DPPA3: variants seen among roughly 807,000 people sequenced by gnomAD.
DPPA3 encodes the protein developmental pluripotency-associated protein 3.
Under a neutral mutation model 15.6 loss-of-function variants are expected in DPPA3, and 9 were observed. The observed-to-expected ratio is 0.58, with a 90% CI of 0.35 to 1.01. DPPA3 has a LOEUF of 1.01. DPPA3 is among the 50% of genes least tolerant of loss of function. DPPA3 has a pLI of 0.02. For synonymous variants in DPPA3, 61 were observed against 70.9 expected, an observed-to-expected ratio of 0.86 and a Z score of 0.70; for missense variants, 148 against 194.6, an observed-to-expected ratio of 0.76 and a Z score of 1.42.
chr12:7,716,802 G>T (rs963565291), intron 3 of DPPA3, among the ~76,000 whole-genome samples, 165 bp from the exon 4 acceptor site: 1 of 152,032 alleles, frequency 6.6e-6, no homozygotes, highest in Non-Finnish European at 1.5e-5. Flanking sequence ...CCCATATTTT[G>T]ATCTTTTTTT....
Position 7,715,296 on chromosome 12 carries a change from G to A in DPPA3, c.196G>A (p.Val66Ile). ...GGAAGCTTTACTCCGTCGAGAGTCT[G>A]TAGGAGCAGCAGTCCTCAGGGAAAT... is the stretch of plus-strand genomic sequence containing the variant. ...LSEALLRRES[V>I]GAAVLREIED... Residue 66 changes from valine to isoleucine, a missense_variant, in exon 2 of 4, where the codon GTA becomes ATA. By Grantham distance (29) the Val-to-Ile change is conservative. Transcript: ENST00000345088. 1.2e-6 allele frequency: 2 copies of A among 1,612,146 alleles called. No individual in the cohort carries two copies. Among genetic ancestry groups the A allele is most frequent in the African/African-American group, 1.4e-5 (1 of 73,294 alleles).
rs116330721 is a variant in DPPA3 at position 7,716,084 on chromosome 12, C to G, written c.328-114C>G. 4.4e-4 allele frequency: 404 copies of G among 925,526 alleles called. 2 individuals carry two copies. The African/African-American group carries it at 5.3e-3, about 12-fold the overall frequency. 57.3% of individuals were successfully genotyped at this position (925,526 alleles called of 1,614,324 possible). ...CTCCACTGCAATCCAGCCTGGGCAACAGAGAAAGACCCTGTCTCAACAAAT... is the reference window on the plus strand; with the variant it reads ...CTCCACTGCAATCCAGCCTGGGCAAGAGAGAAAGACCCTGTCTCAACAAAT... On this transcript the variant is annotated intron_variant, in intron 2 of 3. Coordinates refer to ENST00000345088, the MANE Select transcript of DPPA3 (RefSeq NM_199286.4).
chr12:7,711,831 CTT>C (rs1864348705), intron 1 of DPPA3, among the ~76,000 whole-genome samples, 179 bp downstream of exon 1: 1 of 142,560 alleles, frequency 7.0e-6, no homozygotes, highest in African/African-American at 2.6e-5. Context: ...AGGTCAAAGA[CTT>C]TATTAAAAGC....
At chr12:7,712,779 G>A (rs369855187) in intron 1 of DPPA3, among the ~76,000 whole-genome samples, 113 of 152,080 alleles carry the variant, frequency 7.4e-4, no homozygotes, top group African/African-American at 2.7e-3. Flanking sequence ...TTGACAGTGG[G>A]TCTCTCCATG....
In DPPA3 at chr12:7,711,551, A is replaced by G; in HGVS notation, c.-20A>G. The G allele has an allele frequency of 6.2e-7, 1 of 1,610,400 alleles. No homozygotes were observed. The highest frequency in any genetic ancestry group is 1.1e-5 in the South Asian group (1 of 90,618). On this transcript the variant is annotated 5_prime_UTR_variant, in exon 1 of 4. Transcript: ENST00000345088. ...CGTTTCAAAGATCCTGGAGAAGCCT[A>G]GTGTTGTGTCAAGACGCCGATGGAC... is the stretch of plus-strand genomic sequence containing the variant.
chr12:7,716,206 A>G lies in DPPA3; in HGVS notation c.336A>G (p.Arg112=). The change falls in exon 3 of 4, where the codon AGA becomes AGG. Residue 112 remains arginine (R), a synonymous_variant. Coordinates refer to ENST00000345088, the MANE Select transcript of DPPA3 (RefSeq NM_199286.4). ...MLLGGVRTHE[R]RPTNKEPKGV... ...ATTTTTTTCCCATGAAGCATGAAAG[A>G]AGACCAACAAACAAGGAGCCTAAGG... 1 of 1,606,298 alleles carries G rather than the reference A, an allele frequency of 6.2e-7. No individual in the cohort carries two copies. Among genetic ancestry groups the G allele is most frequent in the South Asian group, 1.1e-5 (1 of 90,074 alleles).
chr12:7,713,588 G>A (rs1354014676), intron 1 of DPPA3, among the ~76,000 whole-genome samples: 1 of 152,124 alleles, frequency 6.6e-6, no homozygotes, highest in African/African-American at 2.4e-5. Context: ...CTCACAGTTC[G>A]GATGGGAGAG....
chr12:7,716,715 C>T (rs149456118), intron 3 of DPPA3, among the ~76,000 whole-genome samples: 84 of 152,284 alleles, frequency 5.5e-4, no homozygotes, highest in African/African-American at 1.9e-3. Flanking sequence ...ATTCAGAGAA[C>T]GGAGACTAGA....
At chr12:7,711,682 C>A (rs2136889889) in intron 1 of DPPA3, 30 bp downstream of exon 1, 2 of 1,400,500 alleles carry the variant, frequency 1.4e-6, no homozygotes, top group Admixed American at 1.8e-5. Context: ...TCTTGACTAT[C>A]TGACTATAGG....
intron 1 of DPPA3, among the ~76,000 whole-genome samples, chr12:7,714,949 A>T (rs1592081515): frequency 6.6e-6 from 1 of 151,800 alleles, no homozygotes; most frequent in African/African-American, 2.4e-5. Flanking sequence ...TCCTGACCTT[A>T]TGATCTGCCC....
At chr12:7,713,533 G>A (rs1864368182) in intron 1 of DPPA3, among the ~76,000 whole-genome samples, 1 of 152,142 alleles carries the variant, frequency 6.6e-6, no homozygotes, top group African/African-American at 2.4e-5. Flanking sequence ...GGCAGTTAAC[G>A]ATAACCTTCT....
At chr12:7,714,566 T>C (rs938187188) in intron 1 of DPPA3, among the ~76,000 whole-genome samples, 3 of 151,862 alleles carry the variant, frequency 2.0e-5, no homozygotes, top group Non-Finnish European at 4.4e-5. Flanking sequence ...CAGGCTGGAG[T>C]GCAGTGGCGC....
chr12:7,715,472 G>T (rs1316971583), intron 2 of DPPA3, 45 bp downstream of exon 2: 1 of 1,612,776 alleles, frequency 6.2e-7, no homozygotes, highest in South Asian at 1.1e-5. Context: ...TCCGGAGAGT[G>T]ACACTCATAA....
chr12:7,711,696 G>A (rs755912073), intron 1 of DPPA3, 44 bp downstream of exon 1: 85 of 1,481,626 alleles, frequency 5.7e-5, no homozygotes, highest in Non-Finnish European at 7.2e-5. Flanking sequence ...CTATAGGGGG[G>A]TTGGGAGGTC....
chr12:7,716,137 G>A, intron 2 of DPPA3, 61 bp from the exon 3 acceptor site: 1 of 1,375,406 alleles, frequency 7.3e-7, no homozygotes, highest in East Asian at 2.3e-5. Context: ...TTATATAGAT[G>A]TGTAATATTA....
chr12:7,716,194 G>A lies in DPPA3; in HGVS notation c.328-4G>A, dbSNP rs751622847. 2.1e-4 allele frequency: 342 copies of A among 1,603,418 alleles called. 5 individuals are homozygous for A. In the South Asian group the frequency reaches 3.6e-3, roughly 17 times the overall value. On this transcript the variant is annotated splice_region_variant and splice_polypyrimidine_tract_variant and intron_variant, in intron 2 of 3. Coordinates refer to ENST00000345088, the MANE Select transcript of DPPA3 (RefSeq NM_199286.4). ...TTCAATAAACATATTTTTTTCCCAT[G>A]AAGCATGAAAGAAGACCAACAAACA...
intron 1 of DPPA3, 119 bp from the exon 2 acceptor site, chr12:7,715,064 C>T: frequency 6.8e-7 from 1 of 1,460,884 alleles, no homozygotes; most frequent in Non-Finnish European, 9.4e-7. Context: ...TTTACTGTGA[C>T]CTTCCACCCT....
chr12:7,716,703 G>A (rs889470912), intron 3 of DPPA3, among the ~76,000 whole-genome samples: 2 of 152,166 alleles, frequency 1.3e-5, no homozygotes, highest in Admixed American at 6.6e-5. Context: ...TACATTTAAG[G>A]CATTCAGAGA....
At chr12:7,714,831 G>A (rs957225372) in intron 1 of DPPA3, among the ~76,000 whole-genome samples, 9 of 151,846 alleles carry the variant, frequency 5.9e-5, no homozygotes, top group Non-Finnish European at 1.3e-4. Flanking sequence ...TCCTGCCTCA[G>A]CCTCCCAAGT....
Sources: gnomAD v4.1 joint callset for allele counts (sites outside exome capture counted in the v4.1 genomes callset) on GRCh38, gnomAD v4.1.1 for gene constraint, MANE v1.5 for transcripts, NCBI Gene and HGNC (gene_info 2026-07-23, HGNC 2026-07-21) for gene names.